BCO2: variants seen among roughly 807,000 people sequenced by gnomAD.
The protein encoded by BCO2 is carotenoid-cleaving dioxygenase, mitochondrial.
A neutral mutation model predicts 65.8 loss-of-function variants in BCO2; 56 were observed. The observed-to-expected ratio is 0.85, with a 90% CI of 0.69 to 1.06. BCO2 has a LOEUF of 1.06. BCO2 is among the 50% of genes least tolerant of loss of function. The pLI is 0.00. For missense variants in BCO2, 675 were observed against 698.5 expected (o/e 0.97, Z 0.38); for synonymous variants, 233 against 242.3 (o/e 0.96, Z 0.36).
intron 6 of BCO2, among the ~76,000 whole-genome samples, chr11:112,200,172 T>C (rs552367229): frequency 2.6e-5 from 4 of 152,172 alleles, no homozygotes; most frequent in Admixed American, 1.3e-4. Flanking sequence ...ATATTCTATA[T>C]AGGTTGATTC....
chr11:112,180,942 G>A (rs1356435759), intron 2 of BCO2: 8 of 1,137,400 alleles, frequency 7.0e-6, no homozygotes, highest in Non-Finnish European at 1.1e-5. Context: ...GCTTTGAACA[G>A]GGATGATGAT....
intron 8 of BCO2, among the ~76,000 whole-genome samples, chr11:112,206,085 C>T (rs760698139): frequency 3.9e-5 from 6 of 152,232 alleles, no homozygotes; most frequent in Admixed American, 1.3e-4. Context: ...GGTTGCGCAG[C>T]GGCCAGGCAG....
intron 2 of BCO2, among the ~76,000 whole-genome samples, chr11:112,192,927 T>TTTTTTTTG (rs1346124621): frequency 1.6e-5 from 2 of 127,768 alleles, no homozygotes; most frequent in African/African-American, 5.8e-5. Context: ...AATGTGAGGT[T>TTTTTTTTG]TTTTTTTTTT....
chr11:112,211,581 G>A (rs931480314), intron 8 of BCO2, among the ~76,000 whole-genome samples: 1 of 151,972 alleles, frequency 6.6e-6, no homozygotes. Flanking sequence ...TCTACCATCA[G>A]CAATGCACAA....
At chr11:112,214,683 A>T in intron 9 of BCO2, 79 bp from the exon 10 acceptor site, 4 of 1,191,648 alleles carry the variant, frequency 3.4e-6, no homozygotes, top group Non-Finnish European at 4.8e-6. Context: ...TTTATAGGGT[A>T]TGAGGCTCCT....
chr11:112,181,288 T>A, intron 2 of BCO2: 2 of 553,418 alleles, frequency 3.6e-6, no homozygotes, highest in Non-Finnish European at 3.2e-6. Context: ...TTCACGCCAT[T>A]CTCCTGCCTC....
At chr11:112,179,249 T>A in intron 1 of BCO2, 29 bp from the exon 2 acceptor site, 4 of 1,596,916 alleles carry the variant, frequency 2.5e-6, no homozygotes, top group Non-Finnish European at 3.4e-6. Context: ...GGTAAAATAT[T>A]TTTTGTGCTT....
At chr11:112,177,226 C>T (rs1454690435) in intron 1 of BCO2, among the ~76,000 whole-genome samples, 1 of 152,092 alleles carries the variant, frequency 6.6e-6, no homozygotes. Context: ...AACATAAATA[C>T]CTGAGAGTTT....
chr11:112,199,142 C>T lies in BCO2; in HGVS notation c.737-557C>T, dbSNP rs557979577. On this transcript the variant is annotated intron_variant, in intron 5 of 11. Transcript: ENST00000357685. Reference sequence around the variant, plus strand: ...CCCCCTGAAAGGCCCTGGTGTGTGACGTTCTCCTCCCAGTGTCCATGTGTT... The same window carrying T: ...CCCCCTGAAAGGCCCTGGTGTGTGATGTTCTCCTCCCAGTGTCCATGTGTT... 1.2e-4 allele frequency among the ~76,000 whole-genome samples: 18 copies of T among 152,092 alleles called. No individual in the cohort carries two copies. In the South Asian group the frequency reaches 3.1e-3, roughly 26 times the overall value.
rs117001721 is a variant in BCO2, at chr11:112,210,104, C to A, written c.1195-3620C>A. 9.2e-4 allele frequency among the ~76,000 whole-genome samples: 140 copies of A among 152,240 alleles called. 3 individuals carry two copies. In the East Asian group the frequency reaches 0.025, roughly 27 times the overall value. ...CCAGACTTGAAAATTTCCTTATAGGCAGATCTACAGTTCTAGAATATTGAT... is the reference window on the plus strand; with the variant it reads ...CCAGACTTGAAAATTTCCTTATAGGAAGATCTACAGTTCTAGAATATTGAT... On this transcript the variant is annotated intron_variant, in intron 8 of 11. Transcript: ENST00000357685.
chr11:112,210,563 T>C (rs1015866712), intron 8 of BCO2, among the ~76,000 whole-genome samples: 9 of 152,136 alleles, frequency 5.9e-5, no homozygotes, highest in African/African-American at 2.2e-4. Flanking sequence ...ATTCAAACTT[T>C]TGTCACTCTA....
intron 5 of BCO2, among the ~76,000 whole-genome samples, chr11:112,196,490 C>T (rs1262957835): frequency 6.6e-6 from 1 of 152,108 alleles, no homozygotes; most frequent in Non-Finnish European, 1.5e-5. Context: ...TTGTAAAAAT[C>T]CTGTAAACAT....
At position 112,202,888 on chromosome 11, in the gene BCO2, A is replaced by G. The variant is rs754027890; in HGVS notation, c.1194+698A>G. ...AAAATGGTGAAACCTCGTCTCTAGTAAAAATGCAAAAATTAGCCAGATGTG... is the reference window on the plus strand; with the variant it reads ...AAAATGGTGAAACCTCGTCTCTAGTGAAAATGCAAAAATTAGCCAGATGTG... On this transcript the variant is annotated intron_variant, in intron 8 of 11. Transcript: ENST00000357685. 2.0e-5 allele frequency among the ~76,000 whole-genome samples: 3 copies of G among 152,124 alleles called. 1 individual carries two copies. Among genetic ancestry groups the G allele is most frequent in the Non-Finnish European group, 1.5e-5 (1 of 68,002 alleles).
intron 2 of BCO2, among the ~76,000 whole-genome samples, chr11:112,182,535 G>A (rs1379178738): frequency 6.6e-6 from 1 of 152,208 alleles, no homozygotes; most frequent in African/African-American, 2.4e-5. Flanking sequence ...AAAAGGATGA[G>A]TTCATGTCCT....
intron 4 of BCO2, chr11:112,194,390 TC>T (rs1318772352): frequency 1.1e-5 from 5 of 445,728 alleles, no homozygotes; most frequent in African/African-American, 8.3e-5. Context: ...TTCTTATGCT[TC>T]TTTTGAATTT....
intron 3 of BCO2, 76 bp downstream of exon 3, chr11:112,193,773 T>C: frequency 6.5e-7 from 1 of 1,543,482 alleles, no homozygotes; most frequent in African/African-American, 1.4e-5. Flanking sequence ...ATAGATTTTT[T>C]TGTGTATGTG....
intron 2 of BCO2, among the ~76,000 whole-genome samples, chr11:112,189,636 T>A (rs1867311320): frequency 1.3e-5 from 2 of 152,044 alleles, no homozygotes; most frequent in Non-Finnish European, 2.9e-5. Context: ...TCTCCTGACC[T>A]TGTGATCCGC....
At chr11:112,214,578 A>G (rs1859603097) in intron 9 of BCO2, 184 bp from the exon 10 acceptor site, 1 of 584,550 alleles carries the variant, frequency 1.7e-6, no homozygotes. Flanking sequence ...TATTAATAAA[A>G]CTTGATAATC....
At chr11:112,182,014 TCAAA>T (rs1867064108) in intron 2 of BCO2, 1 of 398,766 alleles carries the variant, frequency 2.5e-6, no homozygotes, top group Non-Finnish European at 4.6e-6. Context: ...AAGAAAAAAA[TCAAA>T]CAACCCCATC....
Sources: allele counts gnomAD v4.1 joint callset (sites outside exome capture counted in the v4.1 genomes callset), GRCh38; gene constraint gnomAD v4.1.1; transcripts MANE v1.5; gene names NCBI Gene and HGNC (gene_info 2026-07-23, HGNC 2026-07-21).